Variants in RNF13 observed in about 807,000 individuals in gnomAD.
RNF13 encodes the protein E3 ubiquitin-protein ligase RNF13.
RNF13 carries 19 observed loss-of-function variants against 37.7 expected under a neutral mutation model. The ratio of observed to expected loss-of-function variants is 0.50; its 90% confidence interval spans 0.35 to 0.74. The LOEUF is 0.74. Ranked by LOEUF, RNF13 falls within the 30% of genes least tolerant of loss-of-function variation. The pLI, the probability that RNF13 is intolerant of heterozygous loss-of-function variation, is 0.01. For missense variants in RNF13, 375 were observed against 453.0 expected (o/e 0.83, Z 1.56); for synonymous variants, 144 against 157.8 (o/e 0.91, Z 0.65).
intron 8 of RNF13, 116 bp downstream of exon 8, chr3:149,921,343 G>A (rs1406866857): frequency 3.8e-6 from 1 of 265,080 alleles, no homozygotes; most frequent in Non-Finnish European, 7.3e-6. Context: ...GGGTACATGT[G>A]CACAACGTGC....
chr3:149,831,595 G>T (rs1319766990), intron 1 of RNF13, among the ~76,000 whole-genome samples: 1 of 152,152 alleles, frequency 6.6e-6, no homozygotes, highest in Admixed American at 6.5e-5. Context: ...GATTTTACAG[G>T]CTCATAGGCG....
At chr3:149,941,546 T>C (rs1377106153) in intron 8 of RNF13, among the ~76,000 whole-genome samples, 1 of 151,790 alleles carries the variant, frequency 6.6e-6, no homozygotes, top group Non-Finnish European at 1.5e-5. Flanking sequence ...TTTTTTTTTT[T>C]TTTTTACTGT....
chr3:149,922,629 A>G (rs1398347772), intron 8 of RNF13, among the ~76,000 whole-genome samples: 3 of 152,212 alleles, frequency 2.0e-5, no homozygotes, highest in Non-Finnish European at 4.4e-5. Context: ...TGTTGTATTA[A>G]CTAAACACAT....
At chr3:149,846,275 T>G in intron 2 of RNF13, 135 bp downstream of exon 2, 1 of 564,816 alleles carries the variant, frequency 1.8e-6, no homozygotes, top group Non-Finnish European at 3.1e-6. Context: ...ATATACACAG[T>G]TACTTGACAT....
chr3:149,956,098 C>A (rs946794619), intron 8 of RNF13, among the ~76,000 whole-genome samples: 3 of 151,948 alleles, frequency 2.0e-5, no homozygotes, highest in African/African-American at 7.3e-5. Context: ...GTAGAGGGAT[C>A]AAATCATATA....
At chr3:149,880,326 T>C (rs1054229182) in intron 4 of RNF13, among the ~76,000 whole-genome samples, 3 of 152,160 alleles carry the variant, frequency 2.0e-5, no homozygotes, top group Non-Finnish European at 4.4e-5. Context: ...ATCCTATCAG[T>C]GTCTAAAAAA....
intron 3 of RNF13, among the ~76,000 whole-genome samples, chr3:149,865,329 G>T (rs1576787298): frequency 1.4e-5 from 2 of 139,126 alleles, no homozygotes; most frequent in Non-Finnish European, 3.1e-5. Flanking sequence ...ATGTTTTGGT[G>T]ATATATATAT....
chr3:149,936,951 C>T (rs1300116858), intron 8 of RNF13, among the ~76,000 whole-genome samples: 4 of 152,140 alleles, frequency 2.6e-5, no homozygotes, highest in Admixed American at 6.6e-5. Context: ...CTTTCACAAA[C>T]GTTCGGCGCA....
intron 4 of RNF13, among the ~76,000 whole-genome samples, chr3:149,885,372 C>T (rs376479569): frequency 2.0e-5 from 3 of 152,250 alleles, no homozygotes; most frequent in African/African-American, 7.2e-5. Flanking sequence ...CCCTTTTCTC[C>T]ACATACTCTC....
chr3:149,882,105 A>G (rs1283197607), intron 4 of RNF13, among the ~76,000 whole-genome samples: 1 of 152,136 alleles, frequency 6.6e-6, no homozygotes, highest in Non-Finnish European at 1.5e-5. Flanking sequence ...AGGAAGTAAC[A>G]TATGACACTT....
chr3:149,817,115 A>G (rs1719542997), intron 1 of RNF13: 1 of 152,172 alleles, frequency 6.6e-6, no homozygotes, highest in Admixed American at 6.5e-5. Flanking sequence ...TGAAAACTGG[A>G]AGTTCTGTGT....
chr3:149,865,061 G>A (rs1033419217), intron 3 of RNF13, among the ~76,000 whole-genome samples: 1 of 152,038 alleles, frequency 6.6e-6, no homozygotes, highest in African/African-American at 2.4e-5. Flanking sequence ...GAAAGGTATA[G>A]TGGATGTTTA....
intron 8 of RNF13, among the ~76,000 whole-genome samples, chr3:149,949,264 C>CT (rs1355607897): frequency 1.3e-5 from 2 of 151,998 alleles, no homozygotes; most frequent in Non-Finnish European, 2.9e-5. Context: ...CTGAGAAAGT[C>CT]TTAATTTCTG....
At chr3:149,826,431 C>T (rs543231251) in intron 1 of RNF13, among the ~76,000 whole-genome samples, 1 of 152,208 alleles carries the variant, frequency 6.6e-6, no homozygotes, top group African/African-American at 2.4e-5. Flanking sequence ...CTTTTTTGAT[C>T]ATATATTTTA....
chr3:149,830,709 G>A (rs1029426814), intron 1 of RNF13, among the ~76,000 whole-genome samples: 3 of 151,042 alleles, frequency 2.0e-5, no homozygotes, highest in Admixed American at 6.6e-5. Context: ...CAAGCCAGCT[G>A]TAGAAATTTG....
chr3:149,817,577 T>A (rs977985880), intron 1 of RNF13, among the ~76,000 whole-genome samples: 4 of 152,208 alleles, frequency 2.6e-5, no homozygotes, highest in African/African-American at 7.2e-5. Flanking sequence ...AATCAGAGAC[T>A]CTGTGTGCTT....
chr3:149,921,455 C>T (rs1266656562), intron 8 of RNF13, among the ~76,000 whole-genome samples: 1 of 152,148 alleles, frequency 6.6e-6, no homozygotes, highest in African/African-American at 2.4e-5. Context: ...TCCCCCAGCC[C>T]TCCACCCCCC....
intron 6 of RNF13, among the ~76,000 whole-genome samples, chr3:149,910,963 A>G (rs1456327028): frequency 1.3e-5 from 2 of 152,234 alleles, no homozygotes; most frequent in Non-Finnish European, 2.9e-5. Context: ...CAGTAATAAC[A>G]TGGTTAATGA....
intron 1 of RNF13, among the ~76,000 whole-genome samples, chr3:149,816,428 T>C (rs1191301860): frequency 6.6e-6 from 1 of 152,176 alleles, no homozygotes; most frequent in Non-Finnish European, 1.5e-5. Flanking sequence ...TCAATTTCCT[T>C]AACTCCTTCC....
Sources: gnomAD v4.1 joint callset for allele counts (sites outside exome capture counted in the v4.1 genomes callset) on GRCh38, gnomAD v4.1.1 for gene constraint, MANE v1.5 for transcripts, NCBI Gene and HGNC (gene_info 2026-07-23, HGNC 2026-07-21) for gene names.